The following CACNA1A variants were observed in gnomAD, a reference collection of about 807,000 sequenced individuals.
CACNA1A encodes voltage-dependent P/Q-type calcium channel subunit alpha-1A.
CACNA1A carries 57 observed loss-of-function variants against 262.4 expected under a neutral mutation model. The ratio of observed to expected loss-of-function variants is 0.22; its 90% CI spans 0.18 to 0.27. The LOEUF is 0.27. CACNA1A is among the 10% of genes least tolerant of loss of function. CACNA1A has a pLI of 1.00. For missense variants in CACNA1A, 2,526 were observed against 3,562.8 expected (o/e 0.71, Z 7.41); for synonymous variants, 1,431 against 1,419.3 (o/e 1.01, Z -0.18).
chr19:13,331,056 A>G (rs1398792974), intron 9 of CACNA1A, among the ~76,000 whole-genome samples: 2 of 152,056 alleles, frequency 1.3e-5, no homozygotes, highest in Non-Finnish European at 2.9e-5. Flanking sequence ...CTTCCAATAA[A>G]AAGATTTAGG....
intron 3 of CACNA1A, among the ~76,000 whole-genome samples, chr19:13,427,007 G>A (rs567957736): frequency 2.9e-4 from 44 of 152,346 alleles, no homozygotes; most frequent in African/African-American, 1.1e-3. Context: ...AGGCAACAAT[G>A]CCTAGCGGGG....
chr19:13,295,039 T>C (rs930655633), intron 19 of CACNA1A, among the ~76,000 whole-genome samples: 2 of 152,168 alleles, frequency 1.3e-5, no homozygotes, highest in Non-Finnish European at 2.9e-5. Context: ...CCTTCTCAGA[T>C]TGCTCCTCTG....
chr19:13,484,383 T>C (rs977159195), intron 1 of CACNA1A, among the ~76,000 whole-genome samples: 3 of 151,992 alleles, frequency 2.0e-5, no homozygotes, highest in African/African-American at 7.3e-5. Context: ...AAATACATCC[T>C]CCAGAGCACA....
chr19:13,393,426 G>A (rs147667054), intron 3 of CACNA1A, among the ~76,000 whole-genome samples: 11 of 152,278 alleles, frequency 7.2e-5, no homozygotes, highest in African/African-American at 2.6e-4. Context: ...ACTGTTTGAA[G>A]TCAGGATGGA....
intron 1 of CACNA1A, among the ~76,000 whole-genome samples, chr19:13,475,427 C>T (rs1309141413): frequency 6.6e-6 from 1 of 152,212 alleles, no homozygotes; most frequent in Admixed American, 6.5e-5. Context: ...CATGGTGAAT[C>T]CCATGCTCAC....
intron 10 of CACNA1A, among the ~76,000 whole-genome samples, chr19:13,320,591 G>A (rs1600322146): frequency 1.3e-5 from 2 of 152,016 alleles, no homozygotes; most frequent in South Asian, 2.1e-4. Flanking sequence ...CATTCCCCAC[G>A]ACAGGCATAC....
intron 1 of CACNA1A, among the ~76,000 whole-genome samples, chr19:13,487,746 T>G (rs1173508596): frequency 2.6e-5 from 4 of 152,132 alleles, no homozygotes; most frequent in Non-Finnish European, 4.4e-5. Flanking sequence ...TTTTTTAAAA[T>G]TCATGCTTAT....
intron 1 of CACNA1A, 143 bp downstream of exon 1, chr19:13,505,789 G>T: frequency 3.1e-6 from 2 of 635,176 alleles, no homozygotes; most frequent in East Asian, 8.4e-5. Flanking sequence ...CACTCCTCCC[G>T]GTGCCCCCTC....
chr19:13,310,475 A>T (rs1568521283), intron 12 of CACNA1A, among the ~76,000 whole-genome samples: 14 of 42,180 alleles, frequency 3.3e-4, no homozygotes, highest in South Asian at 1.5e-3. Context: ...AAAAAAAAAA[A>T]AAAAAAAAAA....
At chr19:13,223,281 C>T (rs1156764970) in intron 38 of CACNA1A, among the ~76,000 whole-genome samples, 1 of 151,950 alleles carries the variant, frequency 6.6e-6, no homozygotes, top group Non-Finnish European at 1.5e-5. Context: ...GCAACCTCCG[C>T]CTCCCAGGTT....
chr19:13,266,095 C>T lies in CACNA1A; in HGVS notation c.3990-3262G>A, dbSNP rs149619289. 3.9e-3 allele frequency among the ~76,000 whole-genome samples: 601 copies of T among 152,228 alleles called. 2 individuals are homozygous for T. Among genetic ancestry groups the T allele is most frequent in the Non-Finnish European group, 6.3e-3 (431 of 68,006 alleles). The stretch of plus-strand genomic sequence containing the variant: ...CCGACCTCAAGTGATCCACCTGCCT[C>T]GGCCTCCCAAAGTGCTGGGATTATA... On this transcript the variant is annotated intron_variant, in intron 24 of 46. Transcript: ENST00000360228.
At chr19:13,261,407 C>T in intron 26 of CACNA1A, 43 bp downstream of exon 26, 1 of 1,524,342 alleles carries the variant, frequency 6.6e-7, no homozygotes, top group Non-Finnish European at 8.9e-7. Flanking sequence ...CCCCTGCCCA[C>T]CTGCTGGTTC....
intron 1 of CACNA1A, among the ~76,000 whole-genome samples, chr19:13,481,327 G>A (rs940944513): frequency 6.6e-6 from 1 of 152,202 alleles, no homozygotes; most frequent in African/African-American, 2.4e-5. Flanking sequence ...CAGCACTGGG[G>A]AACTTGGTCC....
chr19:13,265,696 G>A (rs902340053), intron 24 of CACNA1A, among the ~76,000 whole-genome samples: 13 of 151,994 alleles, frequency 8.6e-5, no homozygotes, highest in African/African-American at 2.4e-4. Context: ...TCTTTTCCAC[G>A]TATCTTTCAG....
At position 13,268,730 on chromosome 19, in the gene CACNA1A, G is replaced by A. The variant is rs144727630; in HGVS notation, c.3990-5897C>T. ...ATTACAGGTGTGAGCCACCGCGCCC[G>A]GCTGTGATATTTTTTAAAACACAGA... On this transcript the variant is annotated intron_variant, in intron 24 of 46. Transcript: ENST00000360228. 2.1e-3 allele frequency among the ~76,000 whole-genome samples: 325 copies of A among 152,018 alleles called. 2 individuals are homozygous for A. Among genetic ancestry groups the A allele is most frequent in the African/African-American group, 6.9e-3 (286 of 41,456 alleles).
chr19:13,468,538 G>C (rs574785834), intron 1 of CACNA1A, among the ~76,000 whole-genome samples: 1 of 152,266 alleles, frequency 6.6e-6, no homozygotes, highest in African/African-American at 2.4e-5. Context: ...TGTAATCCCA[G>C]CACTTTGGGA....
At chr19:13,242,246 GT>G (rs1457477020) in intron 31 of CACNA1A, among the ~76,000 whole-genome samples, 1 of 152,094 alleles carries the variant, frequency 6.6e-6, no homozygotes, top group Admixed American at 6.6e-5. Context: ...CAAACTCCTG[GT>G]TTCCTGGCAG....
At chr19:13,327,320 T>TA (rs1426528347) in intron 10 of CACNA1A, among the ~76,000 whole-genome samples, 1 of 151,840 alleles carries the variant, frequency 6.6e-6, no homozygotes, top group Non-Finnish European at 1.5e-5. Context: ...TCTTTTTGAG[T>TA]AATCAGGCTG....
chr19:13,506,235 G>A lies in CACNA1A; in HGVS notation c.-11C>T, dbSNP rs1057522015. On this transcript the variant is annotated 5_prime_UTR_variant, in exon 1 of 47. Transcript: ENST00000360228. ...TCCGAAGCGGGCCATTCTGCAAAGA[G>A]CAAAGGGCTCCGGGTTACGCTGCGG... The A allele has an allele frequency of 2.9e-5, 42 of 1,455,154 alleles. No homozygotes were observed. Among genetic ancestry groups the A allele is most frequent in the Non-Finnish European group, 3.7e-5 (41 of 1,114,526 alleles). The allele number at this position is 1,455,154 out of a possible 1,614,324, so 90.1% of individuals were successfully genotyped here. A position where few individuals can be genotyped will look rare whatever the true frequency, so the allele number is the denominator to read the frequency against.
Sources: allele counts gnomAD v4.1 joint callset (sites outside exome capture counted in the v4.1 genomes callset), GRCh38; gene constraint gnomAD v4.1.1; transcripts MANE v1.5; gene names NCBI Gene and HGNC (gene_info 2026-07-23, HGNC 2026-07-21).